The following ABTB3 variants were observed in gnomAD, a reference collection of about 807,000 sequenced individuals.
The protein encoded by ABTB3 is ankyrin repeat- and BTB/POZ domain-containing protein 3.
the ABTB3 span, among the ~76,000 whole-genome samples, chr12:107,548,424 C>G: frequency 1.3e-5 from 2 of 152,356 alleles, no homozygotes; most frequent in East Asian, 3.9e-4. Flanking sequence ...TCAGAACAGC[C>G]TTTCTTGGCT....
chr12:107,613,718 C>A, the ABTB3 span, among the ~76,000 whole-genome samples: 1 of 152,162 alleles, frequency 6.6e-6, no homozygotes, highest in Non-Finnish European at 1.5e-5. Context: ...ATGTTCTATG[C>A]TGCCTGAAGA....
chr12:107,423,163 G>A, the ABTB3 span, among the ~76,000 whole-genome samples: 4 of 152,134 alleles, frequency 2.6e-5, no homozygotes, highest in Non-Finnish European at 5.9e-5. Context: ...GGAGAAAAAC[G>A]AATACTATGT....
At chr12:107,619,976 C>A in the ABTB3 span, 3 of 1,596,304 alleles carry the variant, frequency 1.9e-6, no homozygotes, top group African/African-American at 1.3e-5. Context: ...GGCTCCTCTC[C>A]CCGCTCCAGG....
At chr12:107,391,516 C>T in the ABTB3 span, among the ~76,000 whole-genome samples, 1 of 152,156 alleles carries the variant, frequency 6.6e-6, no homozygotes, top group Non-Finnish European at 1.5e-5. Flanking sequence ...TCCACCTCCC[C>T]ACCTACTGTA....
chr12:107,500,190 A>G, the ABTB3 span, among the ~76,000 whole-genome samples: 1 of 152,106 alleles, frequency 6.6e-6, no homozygotes, highest in Non-Finnish European at 1.5e-5. Context: ...TTTGTTGTGG[A>G]TCCTGCTGCG....
the ABTB3 span, among the ~76,000 whole-genome samples, chr12:107,506,903 C>T: frequency 3.3e-5 from 5 of 152,208 alleles, no homozygotes; most frequent in African/African-American, 1.2e-4. Context: ...GGGGTTACCT[C>T]TGGAGAGTGG....
At chr12:107,475,760 A>G in the ABTB3 span, among the ~76,000 whole-genome samples, 7 of 152,082 alleles carry the variant, frequency 4.6e-5, no homozygotes, top group African/African-American at 1.7e-4. Flanking sequence ...GGTCAAGAAT[A>G]AAGCTGGACC....
At chr12:107,367,166 G>T in the ABTB3 span, among the ~76,000 whole-genome samples, 1 of 152,160 alleles carries the variant, frequency 6.6e-6, no homozygotes, top group Non-Finnish European at 1.5e-5. Flanking sequence ...ATCACAGTGA[G>T]GTGGAAGATT....
At chr12:107,393,083 T>C in the ABTB3 span, among the ~76,000 whole-genome samples, 2 of 152,238 alleles carry the variant, frequency 1.3e-5, no homozygotes, top group South Asian at 4.1e-4. Flanking sequence ...TCGGTGCTTC[T>C]GCAGCCGCCG....
chr12:107,608,988 A>AATAC, the ABTB3 span, among the ~76,000 whole-genome samples: 3 of 134,882 alleles, frequency 2.2e-5, no homozygotes, highest in Non-Finnish European at 3.1e-5. Flanking sequence ...AATAAAATAA[A>AATAC]ATAAAATAAA....
chr12:107,578,393 T>TTTTTTTTTTTTTTTTG, the ABTB3 span, among the ~76,000 whole-genome samples: 1 of 131,272 alleles, frequency 7.6e-6, no homozygotes. Context: ...CTTTTTTTTT[T>TTTTTTTTTTTTTTTTG]TTTTTTTTTT....
the ABTB3 span, chr12:107,659,548 C>T: frequency 1.3e-5 from 2 of 152,226 alleles, no homozygotes; most frequent in African/African-American, 4.8e-5. Context: ...TTCAGGGCCT[C>T]CAGGCATTGA....
the ABTB3 span, among the ~76,000 whole-genome samples, chr12:107,496,902 A>C: frequency 6.6e-6 from 1 of 151,928 alleles, no homozygotes; most frequent in East Asian, 1.9e-4. Context: ...TACCGTGATT[A>C]TTGTTTCTAT....
At chr12:107,355,199 T>C in the ABTB3 span, among the ~76,000 whole-genome samples, 1 of 152,230 alleles carries the variant, frequency 6.6e-6, no homozygotes, top group African/African-American at 2.4e-5. Flanking sequence ...CCTTTTCCTC[T>C]TGTAGGTCCC....
At chr12:107,349,092 T>C in the ABTB3 span, among the ~76,000 whole-genome samples, 1 of 152,198 alleles carries the variant, frequency 6.6e-6, no homozygotes, top group Non-Finnish European at 1.5e-5. Context: ...CAGTGCCCTC[T>C]ACTCACTCAT....
chr12:107,369,263 A>G, the ABTB3 span, among the ~76,000 whole-genome samples: 1 of 152,090 alleles, frequency 6.6e-6, no homozygotes, highest in East Asian at 1.9e-4. Flanking sequence ...CTTAGAGTCT[A>G]CTTTCATATA....
At chr12:107,338,780 G>A in the ABTB3 span, among the ~76,000 whole-genome samples, 204 of 152,310 alleles carry the variant, frequency 1.3e-3, no homozygotes, top group African/African-American at 4.4e-3. Context: ...GAGGTGATGA[G>A]GCTCCTCGAG....
chr12:107,513,488 C>A, the ABTB3 span, among the ~76,000 whole-genome samples: 6 of 152,146 alleles, frequency 3.9e-5, no homozygotes, highest in Admixed American at 3.3e-4. Context: ...CTCACTCTGT[C>A]CTGCCGCCCT....
the ABTB3 span, among the ~76,000 whole-genome samples, chr12:107,611,849 G>T: frequency 6.6e-6 from 1 of 152,170 alleles, no homozygotes; most frequent in Non-Finnish European, 1.5e-5. Flanking sequence ...CAGGAGTGCT[G>T]TTTACATATT....
Sources: allele counts gnomAD v4.1 joint callset (sites outside exome capture counted in the v4.1 genomes callset), GRCh38; gene constraint gnomAD v4.1.1; transcripts MANE v1.5; gene names NCBI Gene and HGNC (gene_info 2026-07-23, HGNC 2026-07-21).